Variants in ENOX2 observed in about 807,000 individuals in gnomAD.
The protein encoded by ENOX2 is APK1 antigen.
In ENOX2, 36 loss-of-function variants were observed where a neutral mutation model predicts 45.0. That is an observed-to-expected ratio of 0.80 (90% confidence interval 0.61 to 1.06). The LOEUF is 1.06. ENOX2 is among the 50% of genes least tolerant of loss of function. The pLI is 0.00. For missense variants in ENOX2, 423 were observed against 462.5 expected (o/e 0.91, Z 0.78); for synonymous variants, 174 against 152.3 (o/e 1.14, Z -1.05).
At chrX:130,875,702 A>G (rs1335163078) in intron 2 of ENOX2, among the ~76,000 whole-genome samples, 4 of 111,911 alleles carry the variant, frequency 3.6e-5, no homozygotes, top group African/African-American at 1.3e-4. Flanking sequence ...TGAAATTCTT[A>G]GAAAACATGA....
At chrX:130,717,976 AT>A (rs2038372682) in intron 3 of ENOX2, among the ~76,000 whole-genome samples, 1 of 111,365 alleles carries the variant, frequency 9.0e-6, no homozygotes, top group Non-Finnish European at 1.9e-5. Flanking sequence ...TTTCTAAAGG[AT>A]TCTTTAATTG....
In ENOX2 at chrX:130,679,681, AG is replaced by A. The variant is rs2037249956; in HGVS notation, c.320del (p.Pro107LeufsTer86). ...GCKTVFVGGL[P>X]ENGTEQIIVE... ...CAATGATTTGCTCTGTCCCATTTTC[AG>A]GCAGACCACCCACAAATACTGTTTT... On this transcript the variant is annotated frameshift_variant, in exon 6 of 15. Transcript: ENST00000394363. LOFTEE classifies it high-confidence loss of function. 8.3e-7 allele frequency: 1 copy of A among 1,209,437 alleles called. No homozygotes were observed. The highest frequency in any genetic ancestry group is 1.7e-5 in the African/African-American group (1 of 57,227).
chrX:130,703,065 A>G lies in ENOX2; in HGVS notation c.97+55T>C. 4 of 1,132,357 alleles carry G rather than the reference A, an allele frequency of 3.5e-6. No homozygotes were observed. In the South Asian group the frequency reaches 8.1e-5, roughly 23 times the overall value. 93.3% of individuals were successfully genotyped at this position (1,132,357 alleles called of 1,213,427 possible). ...TAAGTTGTGTCATACTGCTATATTT[A>G]TAACCACATGGTCAATAAAAATAAG... is the stretch of plus-strand genomic sequence containing the variant. On this transcript the variant is annotated intron_variant, in intron 4 of 14. Transcript: ENST00000394363.
At chrX:130,853,397 G>T (rs1402021392) in intron 2 of ENOX2, among the ~76,000 whole-genome samples, 1 of 100,875 alleles carries the variant, frequency 9.9e-6, no homozygotes, top group Non-Finnish European at 2.0e-5. Flanking sequence ...CCGGGAGGCA[G>T]AGGTTGCAGT....
At chrX:130,636,580 A>C (rs1325249873) in intron 11 of ENOX2, among the ~76,000 whole-genome samples, 1 of 112,425 alleles carries the variant, frequency 8.9e-6, no homozygotes, top group Non-Finnish European at 1.9e-5. Context: ...TGGTTACGTA[A>C]AACTCCTAGA....
At chrX:130,701,398 A>G (rs1361405187) in intron 4 of ENOX2, among the ~76,000 whole-genome samples, 2 of 111,195 alleles carry the variant, frequency 1.8e-5, no homozygotes. Flanking sequence ...TATATATTTC[A>G]GTTTAAATTC....
At chrX:130,899,956 T>A (rs2079118167) in intron 2 of ENOX2, among the ~76,000 whole-genome samples, 1 of 112,267 alleles carries the variant, frequency 8.9e-6, no homozygotes, top group African/African-American at 3.2e-5. Flanking sequence ...CTAATAATTT[T>A]ACCTCCTAAA....
rs1175733853 is a variant in ENOX2 at position 130,903,042 on chromosome X, C to G, written c.-231+7G>C. The G allele has an allele frequency of 8.9e-6, 1 of 111,886 alleles. No homozygotes were observed. The highest frequency in any genetic ancestry group is 1.9e-5 in the Non-Finnish European group (1 of 53,116). 9.2% of individuals were successfully genotyped at this position (111,886 alleles called of 1,213,427 possible). A position where few individuals can be genotyped will look rare whatever the true frequency, so the allele number is the denominator to read the frequency against. ...CCACGGCCACCGGGGCTTTCTGCCT[C>G]TCTGACCTCCAGCTCCCCGGCTACC... On this transcript the variant is annotated splice_region_variant and intron_variant, in intron 1 of 14. Transcript: ENST00000394363.
intron 2 of ENOX2, among the ~76,000 whole-genome samples, chrX:130,858,395 G>A (rs932257972): frequency 5.4e-5 from 6 of 111,119 alleles, no homozygotes; most frequent in African/African-American, 2.0e-4. Flanking sequence ...TGAGATTACA[G>A]ATGTGAGCCA....
rs182847730 is a variant in ENOX2, at chrX:130,834,971, T to C, written c.-182-51281A>G. 7.6e-3 allele frequency among the ~76,000 whole-genome samples: 846 copies of C among 111,240 alleles called. 6 individuals carry two copies. The highest frequency in any genetic ancestry group is 0.042 in the Middle Eastern group (9 of 213). ...CACCATAGAGAAACACTAATATAAT[T>C]CAATATAGTTTATAAAACCATCCCT... On this transcript the variant is annotated intron_variant, in intron 2 of 14. Transcript: ENST00000394363.
chrX:130,898,860 T>C (rs1026392477), intron 2 of ENOX2, among the ~76,000 whole-genome samples: 2 of 109,858 alleles, frequency 1.8e-5, no homozygotes, highest in African/African-American at 6.6e-5. Flanking sequence ...GTTGAAGTGG[T>C]AGGTTAAAAG....
intron 2 of ENOX2, among the ~76,000 whole-genome samples, chrX:130,880,465 C>A (rs1288520105): frequency 8.9e-6 from 1 of 111,819 alleles, no homozygotes; most frequent in African/African-American, 3.3e-5. Flanking sequence ...ACATTTATAT[C>A]TCTTTATGTA....
At chrX:130,736,111 C>A (rs1309812371) in intron 3 of ENOX2, among the ~76,000 whole-genome samples, 1 of 111,499 alleles carries the variant, frequency 9.0e-6, no homozygotes, top group Non-Finnish European at 1.9e-5. Context: ...TGCCTGTAAT[C>A]CCAACACTTT....
intron 2 of ENOX2, among the ~76,000 whole-genome samples, chrX:130,876,857 T>C (rs970408606): frequency 9.0e-6 from 1 of 111,623 alleles, no homozygotes; most frequent in South Asian, 3.8e-4. Context: ...AAACATTCAA[T>C]AACTTGAGCT....
intron 3 of ENOX2, among the ~76,000 whole-genome samples, chrX:130,779,973 T>C (rs754471385): frequency 2.7e-5 from 3 of 111,632 alleles, no homozygotes; most frequent in African/African-American, 9.8e-5. Context: ...AGGCTTCTTA[T>C]AGAGGGTAGG....
intron 9 of ENOX2, among the ~76,000 whole-genome samples, chrX:130,664,153 C>T (rs778944629): frequency 8.9e-6 from 1 of 112,270 alleles, no homozygotes; most frequent in South Asian, 3.7e-4. Flanking sequence ...CTCCCAGATC[C>T]CTTTGCCGTG....
intron 4 of ENOX2, among the ~76,000 whole-genome samples, chrX:130,691,263 C>T (rs2037588873): frequency 8.9e-6 from 1 of 111,789 alleles, no homozygotes; most frequent in Non-Finnish European, 1.9e-5. Context: ...GACGAAAGCA[C>T]AGAACAGATA....
At chrX:130,851,497 A>C (rs1183480029) in intron 2 of ENOX2, among the ~76,000 whole-genome samples, 1 of 109,297 alleles carries the variant, frequency 9.1e-6, no homozygotes, top group Non-Finnish European at 1.9e-5. Flanking sequence ...ACTTTAAGTA[A>C]ATGGATGTAT....
intron 3 of ENOX2, among the ~76,000 whole-genome samples, chrX:130,780,807 A>T (rs1375323185): frequency 9.0e-6 from 1 of 111,542 alleles, no homozygotes; most frequent in Non-Finnish European, 1.9e-5. Context: ...TGGATCTGCA[A>T]GCAAATATCC....
Sources: gnomAD v4.1 joint callset for allele counts (sites outside exome capture counted in the v4.1 genomes callset) on GRCh38, gnomAD v4.1.1 for gene constraint, MANE v1.5 for transcripts, NCBI Gene and HGNC (gene_info 2026-07-23, HGNC 2026-07-21) for gene names.